The following TXNDC16 variants were observed in gnomAD, a reference collection of about 807,000 sequenced individuals.
TXNDC16 encodes the protein thioredoxin domain containing 16.
In TXNDC16, 74 loss-of-function variants were observed where a neutral mutation model predicts 85.6. That is an observed-to-expected ratio of 0.86 (90% CI 0.72 to 1.05). The LOEUF is 1.05. Ranked by LOEUF, TXNDC16 falls within the 50% of genes least tolerant of loss-of-function variation. The probability of loss-of-function intolerance (pLI) is 0.00; values close to 1 mark genes in which losing one functional copy is unlikely to be tolerated. For missense variants in TXNDC16, 959 were observed against 947.0 expected, an observed-to-expected ratio of 1.01 and a Z score of -0.17; for synonymous variants, 335 against 326.5, an observed-to-expected ratio of 1.03 and a Z score of -0.28.
chr14:52,449,338 TAAG>T (rs1404937054), intron 18 of TXNDC16, among the ~76,000 whole-genome samples: 1 of 152,038 alleles, frequency 6.6e-6, no homozygotes, highest in Non-Finnish European at 1.5e-5. Context: ...ACAAAAACTG[TAAG>T]AAGAGACAAA....
intron 9 of TXNDC16, among the ~76,000 whole-genome samples, chr14:52,499,809 T>C (rs1213630968): frequency 6.6e-6 from 1 of 152,100 alleles, no homozygotes; most frequent in African/African-American, 2.4e-5. Flanking sequence ...TCAAGTTCTT[T>C]ATATAAAAGT....
chr14:52,471,867 G>C (rs1182805792), intron 14 of TXNDC16, among the ~76,000 whole-genome samples: 1 of 150,984 alleles, frequency 6.6e-6, no homozygotes, highest in Non-Finnish European at 1.5e-5. Flanking sequence ...ATAAATCACT[G>C]TGTGGAAAGA....
chr14:52,549,308 G>A (rs1380825564), intron 1 of TXNDC16, among the ~76,000 whole-genome samples: 1 of 152,190 alleles, frequency 6.6e-6, no homozygotes, highest in African/African-American at 2.4e-5. Flanking sequence ...TGAGTGACAT[G>A]TAACTAAAGA....
intron 4 of TXNDC16, among the ~76,000 whole-genome samples, chr14:52,539,158 T>TA (rs1309542476): frequency 6.6e-6 from 1 of 152,138 alleles, no homozygotes; most frequent in Non-Finnish European, 1.5e-5. Flanking sequence ...AACTAATTAA[T>TA]ATGTAGTGTT....
At position 52,466,797 on chromosome 14, in the gene TXNDC16, G is replaced by A. The variant is rs558280462; in HGVS notation, c.1618+3240C>T. On this transcript the variant is annotated intron_variant, in intron 16 of 20. Coordinates refer to ENST00000281741, the MANE Select transcript of TXNDC16 (RefSeq NM_020784.3). ...CAGGAGAATGGCGTGAACCCGGGAG[G>A]CGGAGCTTGCAGTGAGCCGAGATCA... Among the ~76,000 whole-genome samples the A allele has an allele frequency of 8.3e-4, 127 of 152,114 alleles. 2 individuals carry two copies. The highest frequency in any genetic ancestry group is 2.4e-3 in the African/African-American group (100 of 41,486).
At chr14:52,519,125 A>C (rs780509903) in intron 7 of TXNDC16, 47 bp downstream of exon 7, 1 of 1,564,606 alleles carries the variant, frequency 6.4e-7, no homozygotes, top group East Asian at 2.3e-5. Context: ...TTCAACATAC[A>C]TAAGTACAGA....
At position 52,467,122 on chromosome 14, in the gene TXNDC16, T is replaced by TCA. The variant is rs766556106; in HGVS notation, c.1618+2913_1618+2914dup. 1.7e-3 allele frequency among the ~76,000 whole-genome samples: 255 copies of TCA among 151,200 alleles called. 1 individual carries two copies. The highest frequency in any genetic ancestry group is 2.9e-3 in the Non-Finnish European group (199 of 67,732). On this transcript the variant is annotated intron_variant, in intron 16 of 20. Transcript: ENST00000281741. Reference sequence around the variant, plus strand: ...TAGAAAACAATTAAACAGACATATATCACACACACACACATATAGATAAGG... The same window carrying TCA: ...TAGAAAACAATTAAACAGACATATATCACACACACACACACATATAGATAAGG...
chr14:52,487,967 T>C (rs2036307594), intron 12 of TXNDC16, among the ~76,000 whole-genome samples: 1 of 152,262 alleles, frequency 6.6e-6, no homozygotes, highest in African/African-American at 2.4e-5. Flanking sequence ...CTGGATTTAT[T>C]TACAAGTACA....
At chr14:52,511,178 C>A (rs1239397637) in intron 9 of TXNDC16, 62 bp downstream of exon 9, 2 of 1,339,864 alleles carry the variant, frequency 1.5e-6, no homozygotes, top group Non-Finnish European at 2.0e-6. Flanking sequence ...AAATAAGACA[C>A]ATACCTTTTG....
intron 17 of TXNDC16, among the ~76,000 whole-genome samples, chr14:52,455,778 T>A (rs541583385): frequency 7.0e-4 from 106 of 152,348 alleles, no homozygotes; most frequent in African/African-American, 2.5e-3. Flanking sequence ...TCGACCTTTC[T>A]GGACTTGCTC....
chr14:52,467,967 A>G (rs1199571181), intron 16 of TXNDC16, among the ~76,000 whole-genome samples: 1 of 152,248 alleles, frequency 6.6e-6, no homozygotes, highest in African/African-American at 2.4e-5. Flanking sequence ...AACCCTGAAG[A>G]CATTATGCTA....
At chr14:52,472,664 A>G (rs1012755389) in intron 14 of TXNDC16, among the ~76,000 whole-genome samples, 2 of 152,238 alleles carry the variant, frequency 1.3e-5, no homozygotes, top group African/African-American at 4.8e-5. Flanking sequence ...ATAAACAAAT[A>G]TAAACCCTTA....
chr14:52,488,859 C>T lies in TXNDC16; in HGVS notation c.985-373G>A, dbSNP rs960851052. 2.5e-5 allele frequency among the ~76,000 whole-genome samples: 3 copies of T among 121,022 alleles called. No individual in the cohort carries two copies. The South Asian group carries it at 8.1e-4, about 33-fold the overall frequency. 79.4% of individuals were successfully genotyped at this position (121,022 alleles called of 152,430 possible). A position where few individuals can be genotyped will look rare whatever the true frequency, so the allele number is the denominator to read the frequency against. ...AAAAAAAAAAAAAAAACAAGTTTTA[C>T]TTGTTTGACACTAAAATAAAACTAA... On this transcript the variant is annotated intron_variant, in intron 11 of 20. Coordinates refer to ENST00000281741, the MANE Select transcript of TXNDC16 (RefSeq NM_020784.3).
intron 9 of TXNDC16, among the ~76,000 whole-genome samples, chr14:52,496,665 G>A (rs2036541438): frequency 6.7e-6 from 1 of 150,366 alleles, no homozygotes; most frequent in Non-Finnish European, 1.5e-5. Context: ...GAGTACAGTG[G>A]CATGATTACA....
chr14:52,539,904 TA>T (rs1411362317), intron 4 of TXNDC16, among the ~76,000 whole-genome samples: 1 of 152,214 alleles, frequency 6.6e-6, no homozygotes, highest in Non-Finnish European at 1.5e-5. Context: ...TATCATTGGT[TA>T]GGGAAACAAG....
chr14:52,465,281 G>A (rs920781557), intron 16 of TXNDC16, among the ~76,000 whole-genome samples: 1 of 152,086 alleles, frequency 6.6e-6, no homozygotes, highest in Non-Finnish European at 1.5e-5. Flanking sequence ...CTAGATAAAT[G>A]GTAAGAGTTA....
At chr14:52,460,751 C>CAGTT (rs71291813) in intron 16 of TXNDC16, among the ~76,000 whole-genome samples, 61,271 of 151,502 alleles carry the variant, frequency 0.4, 12,810 homozygotes, top group African/African-American at 0.52. Flanking sequence ...AAAAAGGACT[C>CAGTT]AGAATATGTC....
In TXNDC16 at chr14:52,470,019, A is replaced by C; in HGVS notation, c.1618+18T>G. The C allele has an allele frequency of 6.3e-7, 1 of 1,592,000 alleles. No homozygotes were observed. Among genetic ancestry groups the C allele is most frequent in the Non-Finnish European group, 8.5e-7 (1 of 1,173,346 alleles). On this transcript the variant is annotated intron_variant, in intron 16 of 20. Coordinates refer to ENST00000281741, the MANE Select transcript of TXNDC16 (RefSeq NM_020784.3). ...TGATATACTCTACTGTATAATTTAA[A>C]AGCTCAGCTCTGCTTACCTGTTTTC...
chr14:52,467,858 A>G (rs1172876164), intron 16 of TXNDC16, among the ~76,000 whole-genome samples: 2 of 152,212 alleles, frequency 1.3e-5, no homozygotes, highest in Non-Finnish European at 2.9e-5. Flanking sequence ...AAAATTCATT[A>G]ATGGATAAAC....
Sources: allele counts gnomAD v4.1 joint callset (sites outside exome capture counted in the v4.1 genomes callset), GRCh38; gene constraint gnomAD v4.1.1; transcripts MANE v1.5; gene names NCBI Gene and HGNC (gene_info 2026-07-23, HGNC 2026-07-21).